ZBTB49: variants seen among roughly 807,000 people sequenced by gnomAD.
ZBTB49 encodes zinc finger and BTB domain containing 49, also known as zinc finger and BTB domain-containing protein 49.
Under a neutral mutation model 57.5 loss-of-function variants are expected in ZBTB49, and 43 were observed. The observed-to-expected ratio is 0.75, with a 90% CI of 0.59 to 0.97. The LOEUF (loss-of-function observed/expected upper bound fraction) is 0.97, where lower values mean the gene tolerates loss of function less well. ZBTB49 is among the 50% of genes least tolerant of loss of function. The probability of loss-of-function intolerance (pLI) is 0.00; values close to 1 mark genes in which losing one functional copy is unlikely to be tolerated. For missense variants in ZBTB49, 938 were observed against 947.7 expected (o/e 0.99, Z 0.13); for synonymous variants, 369 against 362.1 (o/e 1.02, Z -0.22).
chr4:4,312,133 G>T (rs978396861), intron 4 of ZBTB49, among the ~76,000 whole-genome samples: 4 of 151,976 alleles, frequency 2.6e-5, no homozygotes, highest in Non-Finnish European at 1.5e-5. Context: ...TTTTACCGCT[G>T]GGTATATTAC....
chr4:4,307,644 C>T (rs1720797285), intron 4 of ZBTB49, among the ~76,000 whole-genome samples: 1 of 152,188 alleles, frequency 6.6e-6, no homozygotes, highest in African/African-American at 2.4e-5. Flanking sequence ...CCTGTCCATC[C>T]TCATGACCCC....
At chr4:4,291,190 C>G (rs1719889563) in intron 1 of ZBTB49, among the ~76,000 whole-genome samples, 1 of 152,206 alleles carries the variant, frequency 6.6e-6, no homozygotes, top group East Asian at 1.9e-4. Flanking sequence ...GTGGCTTAAA[C>G]AACAGAAATT....
chr4:4,308,170 CAG>C (rs903314849), intron 4 of ZBTB49, among the ~76,000 whole-genome samples: 1 of 152,150 alleles, frequency 6.6e-6, no homozygotes, highest in Non-Finnish European at 1.5e-5. Flanking sequence ...CTCTGCCTCC[CAG>C]GTTCAAACGA....
chr4:4,320,676 A>G lies in ZBTB49; in HGVS notation c.1658A>G (p.His553Arg). The G allele has an allele frequency of 6.2e-7, 1 of 1,614,184 alleles. No individual in the cohort carries two copies. The highest frequency in any genetic ancestry group is 8.5e-7 in the Non-Finnish European group (1 of 1,180,034). Residue 553 changes from histidine (H) to arginine (R), a missense_variant, in exon 8 of 8, where the codon CAT becomes CGT. This residue lies in a region of ZBTB49 where 835 missense variants were observed against 819.1 expected (regional missense o/e 1.02). Coordinates refer to ENST00000337872, the MANE Select transcript of ZBTB49 (RefSeq NM_145291.4). Reference sequence around the variant, plus strand: ...GGGGGATCAGGTGACCTCCGCAGGCATGTCCGCACTCACACTGGGGAGAAG... The same window carrying G: ...GGGGGATCAGGTGACCTCCGCAGGCGTGTCCGCACTCACACTGGGGAGAAG... ...CFGGSGDLRR[H>R]VRTHTGEKPY...
In ZBTB49 at chr4:4,302,891, G is replaced by A. The variant is rs558011122; in HGVS notation, c.1055G>A (p.Ser352Asn). 1.4e-4 allele frequency: 226 copies of A among 1,614,106 alleles called. 3 individuals are homozygous for A. The South Asian group carries it at 2.3e-3, about 17-fold the overall frequency. ...KNTLEKASSQ[S>N]AEEKESEEVV... The stretch of plus-strand genomic sequence containing the variant: ...ACCCTAGAGAAAGCTAGCAGCCAAA[G>A]TGCTGAAGAAAAAGAAAGTGAAGAA... Residue 352 changes from serine (S) to asparagine (N), a missense_variant, in exon 3 of 8, where the codon AGT (serine) becomes AAT (asparagine). Physicochemically the swap from Ser to Asn is conservative, Grantham distance 46. Around this residue, in one of 3 missense-constraint regions of ZBTB49, gnomAD observed 835 missense variants for 819.1 expected, o/e 1.02. Coordinates refer to ENST00000337872, the MANE Select transcript of ZBTB49 (RefSeq NM_145291.4).
rs74850088 is a variant in ZBTB49 at position 4,308,180 on chromosome 4, C to T, written c.1302+1996C>T. Reference sequence around the variant, plus strand: ...GCAACCTCTGCCTCCCAGGTTCAAACGATTGTCTTGCCTTAGCCTCCCAAG... The same window carrying T: ...GCAACCTCTGCCTCCCAGGTTCAAATGATTGTCTTGCCTTAGCCTCCCAAG... On this transcript the variant is annotated intron_variant, in intron 4 of 7. Transcript: ENST00000337872. 8.1e-3 allele frequency among the ~76,000 whole-genome samples: 1,226 copies of T among 152,294 alleles called. 13 individuals are homozygous for T. The highest frequency in any genetic ancestry group is 0.027 in the African/African-American group (1,131 of 41,568).
Position 4,302,932 on chromosome 4 carries a change from A to T in ZBTB49, c.1096A>T (p.Asn366Tyr), listed in dbSNP as rs1560108688. The T allele has an allele frequency of 6.2e-7, 1 of 1,614,234 alleles. No homozygotes were observed. The highest frequency in any genetic ancestry group is 8.5e-7 in the Non-Finnish European group (1 of 1,180,038). ...AAGTGAAGAAGTCGTCAGTTGTGAG[A>T]ATTTTAATTGCATTAGTGAGACGGA... is the stretch of plus-strand genomic sequence containing the variant. ...KESEEVVSCE[N>Y]FNCISETERP... Residue 366 changes from asparagine (N) to tyrosine (Y), a missense_variant, in exon 3 of 8, where the codon AAT becomes TAT. Coordinates refer to ENST00000337872, the MANE Select transcript of ZBTB49 (RefSeq NM_145291.4).
At chr4:4,298,341 G>A (rs1234045299) in intron 1 of ZBTB49, among the ~76,000 whole-genome samples, 1 of 152,140 alleles carries the variant, frequency 6.6e-6, no homozygotes, top group Non-Finnish European at 1.5e-5. Flanking sequence ...GATTAGTATT[G>A]TAGTGACTTT....
At chr4:4,317,182 T>TTCCG (rs10665270) in intron 7 of ZBTB49, among the ~76,000 whole-genome samples, 11,248 of 152,162 alleles carry the variant, frequency 0.074, 1,023 homozygotes, top group East Asian at 0.32. Flanking sequence ...AAGTGGGGCC[T>TTCCG]TCCGTCCCCT....
At chr4:4,313,903 T>G (rs991477270) in intron 5 of ZBTB49, among the ~76,000 whole-genome samples, 2 of 152,232 alleles carry the variant, frequency 1.3e-5, no homozygotes, top group Admixed American at 1.3e-4. Context: ...TTCAACATTT[T>G]TTAGACACCT....
intron 1 of ZBTB49, among the ~76,000 whole-genome samples, chr4:4,293,295 C>G (rs549220130): frequency 3.9e-5 from 6 of 152,246 alleles, no homozygotes; most frequent in Non-Finnish European, 2.9e-5. Context: ...CTCCTTCTCT[C>G]ACGCTATAAC....
intron 1 of ZBTB49, among the ~76,000 whole-genome samples, chr4:4,293,276 A>G (rs1720029317): frequency 8.0e-6 from 1 of 124,406 alleles, no homozygotes; most frequent in Non-Finnish European, 1.5e-5. Context: ...GATGGAAGAG[A>G]ACCTTCTGCT....
At chr4:4,316,009 T>G in intron 7 of ZBTB49, 39 bp downstream of exon 7, 2 of 1,607,064 alleles carry the variant, frequency 1.2e-6, no homozygotes, top group Middle Eastern at 1.7e-4. Context: ...GTCATCTGTG[T>G]GTGGGAAGGG....
At chr4:4,303,760 C>CTCTGTGTGTGTGTGTG (rs1223289249) in intron 3 of ZBTB49, among the ~76,000 whole-genome samples, 6 of 121,326 alleles carry the variant, frequency 4.9e-5, no homozygotes, top group Non-Finnish European at 1.0e-4. Context: ...CTCTCTCTCT[C>CTCTGTGTGTGTGTGTG]TGTGTGTGTG....
Position 4,302,115 on chromosome 4 carries a change from T to C in ZBTB49, c.279T>C (p.Asn93=). The C allele has an allele frequency of 6.2e-7, 1 of 1,614,220 alleles. No homozygotes were observed. The highest frequency in any genetic ancestry group is 1.1e-5 in the South Asian group (1 of 91,086). The change falls in exon 3 of 8, where the codon AAT becomes AAC. Residue 93 remains asparagine, a synonymous_variant. Coordinates refer to ENST00000337872, the MANE Select transcript of ZBTB49 (RefSeq NM_145291.4). The part of the protein sequence containing the change: ...YTSHLDLNQD[N]IQVMLDTAQC... ...CTCATCTAGATCTTAACCAGGACAA[T>C]ATACAAGTAATGCTGGACACAGCAC... is the stretch of plus-strand genomic sequence containing the variant.
At chr4:4,303,760 C>CTCTCTCTCTCTCTGTG in intron 3 of ZBTB49, among the ~76,000 whole-genome samples, 1 of 121,324 alleles carries the variant, frequency 8.2e-6, no homozygotes, top group South Asian at 2.7e-4. Flanking sequence ...CTCTCTCTCT[C>CTCTCTCTCTCTCTGTG]TGTGTGTGTG....
chr4:4,311,466 T>C (rs1230720848), intron 4 of ZBTB49, among the ~76,000 whole-genome samples: 1 of 152,250 alleles, frequency 6.6e-6, no homozygotes, highest in African/African-American at 2.4e-5. Flanking sequence ...GTTACCGTCA[T>C]ATTGAATATT....
rs371179267 is a variant in ZBTB49, at chr4:4,321,207, G to A, written c.2189G>A (p.Arg730Gln). 10 of 1,614,052 alleles carry A rather than the reference G, an allele frequency of 6.2e-6. No homozygotes were observed. In the East Asian group the frequency reaches 6.7e-5, roughly 11 times the overall value. Residue 730 changes from arginine to glutamine, a missense_variant, in exon 8 of 8, where the codon CGA becomes CAA. Physicochemically the swap from Arg to Gln is conservative, Grantham distance 43. This residue lies in a region of ZBTB49 where 835 missense variants were observed against 819.1 expected (regional missense o/e 1.02). Transcript: ENST00000337872. ...DNHGGDPLGS[R>Q]ASSTTYRNSE... Reference sequence around the variant, plus strand: ...CACGGCGGTGACCCCCTGGGCAGTCGAGCATCTTCCACCACTTATAGGAAC... The same window carrying A: ...CACGGCGGTGACCCCCTGGGCAGTCAAGCATCTTCCACCACTTATAGGAAC...
intron 4 of ZBTB49, 98 bp from the exon 5 acceptor site, chr4:4,312,943 A>C (rs1721036354): frequency 2.3e-6 from 3 of 1,302,696 alleles, no homozygotes; most frequent in Non-Finnish European, 3.2e-6. Context: ...TTTGAATTGG[A>C]ACCTGGCTAA....
Sources: allele counts gnomAD v4.1 joint callset (sites outside exome capture counted in the v4.1 genomes callset), GRCh38; gene constraint gnomAD v4.1.1; regional missense constraint gnomAD v4.1.1; transcripts MANE v1.5; gene names NCBI Gene and HGNC (gene_info 2026-07-23, HGNC 2026-07-21).